Variants in ARHGEF9 observed in about 807,000 individuals in gnomAD.
ARHGEF9 encodes the protein rho guanine nucleotide exchange factor 9.
Under a neutral mutation model 41.3 loss-of-function variants are expected in ARHGEF9, and 2 were observed. The ratio of observed to expected loss-of-function variants is 0.05; its 90% CI spans 0.02 to 0.15. ARHGEF9 has a LOEUF of 0.15. Among genes scored for constraint, ARHGEF9 ranks in the 10% least tolerant of loss-of-function variants. The probability of loss-of-function intolerance (pLI) is 1.00; values close to 1 mark genes in which losing one functional copy is unlikely to be tolerated. For synonymous variants in ARHGEF9, 160 were observed against 154.4 expected, an observed-to-expected ratio of 1.04 and a Z score of -0.27; for missense variants, 225 against 424.7, an observed-to-expected ratio of 0.53 and a Z score of 4.13.
At chrX:63,655,022 T>C (rs1471212609) in intron 8 of ARHGEF9, among the ~76,000 whole-genome samples, 2 of 112,524 alleles carry the variant, frequency 1.8e-5, no homozygotes, top group Non-Finnish European at 3.8e-5. Flanking sequence ...TGTTATATTT[T>C]CTATAATTTA....
At chrX:63,744,848 C>A (rs1417418419) in intron 1 of ARHGEF9, among the ~76,000 whole-genome samples, 3 of 112,002 alleles carry the variant, frequency 2.7e-5, no homozygotes, top group Non-Finnish European at 3.8e-5. Flanking sequence ...ATTAATAAAT[C>A]CCTCAACTCC....
intron 1 of ARHGEF9, among the ~76,000 whole-genome samples, chrX:63,744,837 A>G (rs1556431682): frequency 8.9e-6 from 1 of 112,117 alleles, no homozygotes; most frequent in Non-Finnish European, 1.9e-5. Context: ...CTCCAAAGGA[A>G]ATTAATAAAT....
At chrX:63,711,412 A>T (rs1253656111) in intron 2 of ARHGEF9, among the ~76,000 whole-genome samples, 4 of 111,831 alleles carry the variant, frequency 3.6e-5, no homozygotes, top group African/African-American at 1.3e-4. Context: ...AACTTACTAC[A>T]AACCTACAGT....
At chrX:63,693,641 C>T (rs2051515539) in intron 4 of ARHGEF9, among the ~76,000 whole-genome samples, 1 of 107,012 alleles carries the variant, frequency 9.3e-6, no homozygotes, top group Admixed American at 1.0e-4. Flanking sequence ...CACATGTACC[C>T]CATAAATAAG....
At chrX:63,752,899 G>A (rs2055738355) in intron 1 of ARHGEF9, among the ~76,000 whole-genome samples, 2 of 112,107 alleles carry the variant, frequency 1.8e-5, no homozygotes, top group South Asian at 7.4e-4. Context: ...ATGGGTGGAG[G>A]GGGAGCATGT....
At chrX:63,649,315 T>G (rs1427043150) in intron 8 of ARHGEF9, among the ~76,000 whole-genome samples, 6 of 110,727 alleles carry the variant, frequency 5.4e-5, no homozygotes, top group Admixed American at 1.9e-4. Context: ...ACATGGAAAC[T>G]GAACAACCTG....
intron 6 of ARHGEF9, among the ~76,000 whole-genome samples, chrX:63,667,113 C>T (rs1488796184): frequency 8.9e-6 from 1 of 111,820 alleles, no homozygotes; most frequent in Non-Finnish European, 1.9e-5. Context: ...GAGTAGTGTC[C>T]CAAGACACAG....
chrX:63,686,280 T>C (rs1312282242), intron 4 of ARHGEF9, among the ~76,000 whole-genome samples: 4 of 111,527 alleles, frequency 3.6e-5, no homozygotes, highest in Admixed American at 2.9e-4. Context: ...AAGACAAATA[T>C]CACATGTTCT....
chrX:63,662,760 G>A (rs1159246094), intron 7 of ARHGEF9, among the ~76,000 whole-genome samples: 1 of 112,052 alleles, frequency 8.9e-6, no homozygotes, highest in Non-Finnish European at 1.9e-5. Flanking sequence ...TAAGTGTAAA[G>A]TTCTTAGAAC....
At chrX:63,684,741 T>A (rs1255194092) in intron 4 of ARHGEF9, among the ~76,000 whole-genome samples, 2 of 109,726 alleles carry the variant, frequency 1.8e-5, no homozygotes, top group East Asian at 5.6e-4. Flanking sequence ...ATATATATAT[T>A]ACATATACAT....
chrX:63,693,337 G>C (rs782117581), intron 4 of ARHGEF9, among the ~76,000 whole-genome samples: 37 of 111,438 alleles, frequency 3.3e-4, no homozygotes, highest in Admixed American at 1.4e-3. Context: ...TTGTATTCAT[G>C]TATCAAAACA....
chrX:63,740,612 C>T (rs1181220272), intron 1 of ARHGEF9, among the ~76,000 whole-genome samples: 3 of 111,858 alleles, frequency 2.7e-5, no homozygotes, highest in Admixed American at 9.5e-5. Context: ...GTTTCTTGAC[C>T]TCAAAGCCAA....
chrX:63,743,235 TAGAC>T (rs1417332350), intron 1 of ARHGEF9: 8 of 111,875 alleles, frequency 7.2e-5, no homozygotes, highest in Middle Eastern at 4.6e-3. Flanking sequence ...ACAAAATACT[TAGAC>T]AGAAGCAAAC....
intron 2 of ARHGEF9, among the ~76,000 whole-genome samples, chrX:63,720,973 C>A (rs1172019476): frequency 6.3e-5 from 7 of 111,919 alleles, no homozygotes; most frequent in African/African-American, 2.3e-4. Context: ...GTCACTTTTG[C>A]TGTCTTTAGA....
chrX:63,738,910 A>G (rs1241102395), intron 1 of ARHGEF9, among the ~76,000 whole-genome samples: 1 of 111,413 alleles, frequency 9.0e-6, no homozygotes, highest in African/African-American at 3.3e-5. Flanking sequence ...GAAAGACTCC[A>G]GGAAATCTGA....
Position 63,637,300 on chromosome X carries a change from T to C in ARHGEF9, c.*728A>G. 3.4e-6 allele frequency: 1 copy of C among 296,989 alleles called. No individual in the cohort carries two copies. The highest frequency in any genetic ancestry group is 5.9e-6 in the Non-Finnish European group (1 of 170,243). The allele number at this position is 296,989 out of a possible 1,213,427, so 24.5% of individuals were successfully genotyped here. On this transcript the variant is annotated 3_prime_UTR_variant, in exon 10 of 10. Transcript: ENST00000671741. The stretch of plus-strand genomic sequence containing the variant: ...GCTTCTGTTTGGTTTTTTGATCCCT[T>C]CACAGTACCTAAAACACAGTAAAAG...
chrX:63,699,452 C>T (rs1430923982), intron 3 of ARHGEF9, among the ~76,000 whole-genome samples: 7 of 111,618 alleles, frequency 6.3e-5, no homozygotes, highest in Non-Finnish European at 1.1e-4. Flanking sequence ...ATAAAATCAC[C>T]AGAATTCAAC....
intron 4 of ARHGEF9, 152 bp downstream of exon 4, chrX:63,696,973 T>C: frequency 1.8e-6 from 1 of 567,856 alleles, no homozygotes; most frequent in South Asian, 3.3e-5. Flanking sequence ...CCTTGTTTCC[T>C]GGCTAGAGAC....
chrX:63,763,318 TAGAG>T (rs2056063810), intron 1 of ARHGEF9, among the ~76,000 whole-genome samples: 3 of 111,703 alleles, frequency 2.7e-5, no homozygotes, highest in Admixed American at 9.5e-5. Context: ...GATGGGTAGA[TAGAG>T]AGACAGACTG....
Sources: gnomAD v4.1 joint callset for allele counts (sites outside exome capture counted in the v4.1 genomes callset) on GRCh38, gnomAD v4.1.1 for gene constraint, MANE v1.5 for transcripts, NCBI Gene and HGNC (gene_info 2026-07-23, HGNC 2026-07-21) for gene names.